PLA2R1: variants seen among roughly 807,000 people sequenced by gnomAD.
PLA2R1 encodes the protein secretory phospholipase A2 receptor.
A neutral mutation model predicts 195.9 loss-of-function variants in PLA2R1; 158 were observed. The ratio of observed to expected loss-of-function variants is 0.81; its 90% confidence interval spans 0.71 to 0.92. The LOEUF (loss-of-function observed/expected upper bound fraction) is 0.92, where lower values mean the gene tolerates loss of function less well. Among genes scored for constraint, PLA2R1 ranks in the 40% least tolerant of loss-of-function variants. The pLI, the probability that PLA2R1 is intolerant of heterozygous loss-of-function variation, is 0.00. For missense variants in PLA2R1, 1,626 were observed against 1,764.6 expected, an observed-to-expected ratio of 0.92 and a Z score of 1.41; for synonymous variants, 586 against 598.2, an observed-to-expected ratio of 0.98 and a Z score of 0.30.
intron 12 of PLA2R1, among the ~76,000 whole-genome samples, chr2:159,986,212 G>A (rs560219079): frequency 3.9e-5 from 6 of 152,190 alleles, no homozygotes; most frequent in East Asian, 3.9e-4. Flanking sequence ...CTTTTTGAGC[G>A]GTGACAAGAT....
At chr2:159,976,649 A>C in intron 16 of PLA2R1, 36 bp downstream of exon 16, 1 of 1,353,380 alleles carries the variant, frequency 7.4e-7, no homozygotes, top group Non-Finnish European at 1.1e-6. Flanking sequence ...ATATATTAAT[A>C]ATTAGAAATT....
At chr2:159,926,271 T>C in the PLA2R1 span, among the ~76,000 whole-genome samples, 3 of 152,248 alleles carry the variant, frequency 2.0e-5, no homozygotes, top group Admixed American at 2.0e-4. Flanking sequence ...CTTGATAATT[T>C]GGTAATATAT....
At chr2:160,058,246 CT>C (rs1379607614) in intron 1 of PLA2R1, among the ~76,000 whole-genome samples, 2 of 152,156 alleles carry the variant, frequency 1.3e-5, no homozygotes, top group Non-Finnish European at 2.9e-5. Flanking sequence ...GCCCCTACCC[CT>C]CTTTCCGTCG....
chr2:160,055,584 A>G (rs1695484750), intron 1 of PLA2R1, among the ~76,000 whole-genome samples: 1 of 152,208 alleles, frequency 6.6e-6, no homozygotes. Flanking sequence ...TCTGTCATGC[A>G]GCAGGATACA....
chr2:160,052,459 T>C lies in PLA2R1; in HGVS notation c.110-7302A>G, dbSNP rs116098128. ...GTATCTTACCAATGAATTTTTAAAC[T>C]GAGTTGAAAACATTTTTCTTCCTTT... On this transcript the variant is annotated intron_variant, in intron 1 of 29. Transcript: ENST00000283243. Among the ~76,000 whole-genome samples, 664 of 152,380 alleles carry C rather than the reference T, an allele frequency of 4.4e-3. 4 individuals are homozygous for C. Among genetic ancestry groups the C allele is most frequent in the African/African-American group, 0.016 (645 of 41,588 alleles).
chr2:159,962,114 A>G (rs1474122721), intron 20 of PLA2R1, among the ~76,000 whole-genome samples: 2 of 152,200 alleles, frequency 1.3e-5, no homozygotes, highest in Non-Finnish European at 2.9e-5. Flanking sequence ...AGAATGGGAG[A>G]AAATTTTTGC....
At chr2:160,057,254 G>C (rs1444965686) in intron 1 of PLA2R1, among the ~76,000 whole-genome samples, 1 of 152,186 alleles carries the variant, frequency 6.6e-6, no homozygotes. Flanking sequence ...CCCAGAGACA[G>C]AGAGAAACAG....
At chr2:159,942,601 T>G (rs1412444350) in intron 28 of PLA2R1, among the ~76,000 whole-genome samples, 3 of 152,256 alleles carry the variant, frequency 2.0e-5, no homozygotes, top group Non-Finnish European at 4.4e-5. Flanking sequence ...TGTCCAGCAA[T>G]GATAATCTGC....
intron 3 of PLA2R1, among the ~76,000 whole-genome samples, chr2:160,033,741 A>C (rs1015123241): frequency 1.3e-5 from 2 of 152,226 alleles, no homozygotes; most frequent in East Asian, 3.8e-4. Flanking sequence ...AAATGTAATA[A>C]AGTATGAAAT....
intron 11 of PLA2R1, 98 bp from the exon 12 acceptor site, chr2:159,987,456 A>T: frequency 1.3e-6 from 1 of 797,826 alleles, no homozygotes; most frequent in Non-Finnish European, 2.1e-6. Flanking sequence ...ACATCTCATA[A>T]TTAAGCACCC....
chr2:160,002,569 G>A (rs1277554365), intron 11 of PLA2R1, among the ~76,000 whole-genome samples: 1 of 151,894 alleles, frequency 6.6e-6, no homozygotes, highest in Non-Finnish European at 1.5e-5. Flanking sequence ...ACCACTCAAA[G>A]GTTAGTTTGT....
At chr2:160,031,868 G>C (rs778778722) in intron 4 of PLA2R1, among the ~76,000 whole-genome samples, 5 of 152,246 alleles carry the variant, frequency 3.3e-5, no homozygotes, top group Non-Finnish European at 5.9e-5. Context: ...CCAGGTTCAA[G>C]TGATTCTCCT....
chr2:160,023,836 ACAT>A (rs1693314898), intron 6 of PLA2R1, among the ~76,000 whole-genome samples: 2 of 152,208 alleles, frequency 1.3e-5, no homozygotes, highest in African/African-American at 4.8e-5. Context: ...GTGCTGGAGC[ACAT>A]CAAGGGAGTA....
Position 159,955,788 on chromosome 2 carries a change from C to G in PLA2R1, c.3063G>C (p.Val1021=). ...TMNLFGQTTS[V]WIGLQNDDYE... ...AATCATCATTTTGTAAACCTATCCACACACTGGTGGTCTGGCCAAAAAGAT... is the reference window on the plus strand; with the variant it reads ...AATCATCATTTTGTAAACCTATCCAGACACTGGTGGTCTGGCCAAAAAGAT... Residue 1021 remains valine, a synonymous_variant, in exon 22 of 30, where the codon GTG becomes GTC. Transcript: ENST00000283243. 1.3e-6 allele frequency: 2 copies of G among 1,598,758 alleles called. No individual in the cohort carries two copies. Among genetic ancestry groups the G allele is most frequent in the Non-Finnish European group, 1.7e-6 (2 of 1,169,446 alleles).
intron 3 of PLA2R1, among the ~76,000 whole-genome samples, chr2:160,038,700 A>T (rs1694325092): frequency 6.6e-6 from 1 of 152,130 alleles, no homozygotes; most frequent in Admixed American, 6.5e-5. Context: ...ATTGGAAGGT[A>T]GGGTTAGAAG....
At chr2:160,058,603 T>C (rs896394201) in intron 1 of PLA2R1, among the ~76,000 whole-genome samples, 6 of 152,208 alleles carry the variant, frequency 3.9e-5, no homozygotes, top group African/African-American at 1.4e-4. Context: ...TGCCCAGTTT[T>C]CACCAGGATG....
chr2:159,946,077 TA>T (rs1687370210), intron 27 of PLA2R1: 1 of 931,428 alleles, frequency 1.1e-6, no homozygotes, highest in South Asian at 4.9e-5. Context: ...ACCAAGGGGG[TA>T]GGGGCGGTAG....
In PLA2R1 at chr2:160,028,876, G is replaced by A. The variant is rs751665153; in HGVS notation, c.929C>T (p.Pro310Leu). ...TGGGCTCCAATTCAGATAGTTGAGC[G>A]GCGTTCCATCAGACCACTGCCAGCC... ...HAGWQWSDGT[P>L]LNYLNWSPEV... The change falls in exon 5 of 30, where the codon CCG becomes CTG. Residue 310 changes from proline (P) to leucine (L), a missense_variant. Transcript: ENST00000283243. The A allele has an allele frequency of 1.4e-5, 23 of 1,611,890 alleles. No homozygotes were observed. The highest frequency in any genetic ancestry group is 7.7e-5 in the South Asian group (7 of 91,046).
chr2:160,044,948 C>A lies in PLA2R1; in HGVS notation c.319G>T (p.Asp107Tyr). The A allele has an allele frequency of 6.2e-7, 1 of 1,614,136 alleles. No homozygotes were observed. Among genetic ancestry groups the A allele is most frequent in the Non-Finnish European group, 8.5e-7 (1 of 1,179,992 alleles). Residue 107 changes from aspartate (D) to tyrosine (Y), a missense_variant, in exon 2 of 30, where the codon GAC becomes TAC. Asp to Tyr is a radical substitution (Grantham distance 160). Transcript: ENST00000283243. ...CACCGTAAGGAAACGAGGGTGGAGT[C>A]ACATTCATATAAGCTTAATGGCTGC... ...PEQPLSLYEC[D>Y]STLVSLRWRC...
Sources: allele counts gnomAD v4.1 joint callset (sites outside exome capture counted in the v4.1 genomes callset), GRCh38; gene constraint gnomAD v4.1.1; transcripts MANE v1.5; gene names NCBI Gene and HGNC (gene_info 2026-07-23, HGNC 2026-07-21).